Variants in NCKAP5 observed in about 807,000 individuals in gnomAD.
NCKAP5 encodes NCK associated protein 5.
A neutral mutation model predicts 167.0 loss-of-function variants in NCKAP5; 92 were observed. The ratio of observed to expected loss-of-function variants is 0.55; its 90% CI spans 0.47 to 0.66. The LOEUF is 0.66. NCKAP5 is among the 30% of genes least tolerant of loss of function. NCKAP5 has a pLI of 0.00. For synonymous variants in NCKAP5, 891 were observed against 877.4 expected, an observed-to-expected ratio of 1.02 and a Z score of -0.27; for missense variants, 2,378 against 2,315.0, an observed-to-expected ratio of 1.03 and a Z score of -0.56.
intron 3 of NCKAP5, among the ~76,000 whole-genome samples, chr2:133,304,089 T>G (rs1680600852): frequency 6.6e-6 from 1 of 152,204 alleles, no homozygotes; most frequent in Non-Finnish European, 1.5e-5. Context: ...TCTATAGATT[T>G]GAAATAAACT....
chr2:133,050,237 C>G (rs532317194), intron 6 of NCKAP5, among the ~76,000 whole-genome samples: 5 of 151,776 alleles, frequency 3.3e-5, no homozygotes, highest in Non-Finnish European at 7.4e-5. Flanking sequence ...GTCTTAGTTA[C>G]AAAACCAGGG....
At chr2:133,304,952 C>T (rs1021631323) in intron 3 of NCKAP5, among the ~76,000 whole-genome samples, 1 of 152,148 alleles carries the variant, frequency 6.6e-6, no homozygotes, top group Non-Finnish European at 1.5e-5. Context: ...AGACTCTAAG[C>T]AAGTGATATT....
At chr2:133,089,918 G>A (rs1307374454) in intron 6 of NCKAP5, among the ~76,000 whole-genome samples, 1 of 152,154 alleles carries the variant, frequency 6.6e-6, no homozygotes, top group Non-Finnish European at 1.5e-5. Flanking sequence ...TTTCTACAGA[G>A]GAGCCAAAAT....
rs867425784 is a variant in NCKAP5, at chr2:132,775,967, G to A, written c.5050-2073C>T. Among the ~76,000 whole-genome samples, 10 of 152,294 alleles carry A rather than the reference G, an allele frequency of 6.6e-5. No individual in the cohort carries two copies. In the South Asian group the frequency reaches 1.9e-3, roughly 28 times the overall value. On this transcript the variant is annotated intron_variant, in intron 15 of 19. Coordinates refer to ENST00000409261, the MANE Select transcript of NCKAP5 (RefSeq NM_207363.3). Reference sequence around the variant, plus strand: ...TAAATCATCATCTCTGCTGGCCTGTGAAATTCTAGATGAAAGAATCAAATA... The same window carrying A: ...TAAATCATCATCTCTGCTGGCCTGTAAAATTCTAGATGAAAGAATCAAATA...
chr2:133,658,673 G>C, the NCKAP5 span, among the ~76,000 whole-genome samples: 1,710 of 152,210 alleles, frequency 0.011, 40 homozygotes, highest in African/African-American at 0.039. Context: ...TCACAGTGCC[G>C]ACAGCAGGAT....
At chr2:133,293,224 A>G (rs1679724828) in intron 4 of NCKAP5, among the ~76,000 whole-genome samples, 1 of 152,210 alleles carries the variant, frequency 6.6e-6, no homozygotes, top group South Asian at 2.1e-4. Context: ...GGACCTAAAT[A>G]TATGTTCTAT....
intron 3 of NCKAP5, among the ~76,000 whole-genome samples, chr2:133,413,220 G>A (rs1008112009): frequency 1.3e-5 from 2 of 152,240 alleles, no homozygotes; most frequent in African/African-American, 4.8e-5. Flanking sequence ...CTGGAAGACT[G>A]GAAAAGGATC....
chr2:132,871,216 A>G (rs1423820983), intron 9 of NCKAP5, among the ~76,000 whole-genome samples: 1 of 152,218 alleles, frequency 6.6e-6, no homozygotes. Flanking sequence ...GACCAATAGC[A>G]TAATAGTGAA....
At position 133,331,661 on chromosome 2, in the gene NCKAP5, G is replaced by A. The variant is rs1030438215; in HGVS notation, c.70-28551C>T. 5.9e-5 allele frequency among the ~76,000 whole-genome samples: 9 copies of A among 152,274 alleles called. No homozygotes were observed. In the South Asian group the frequency reaches 1.0e-3, roughly 18 times the overall value. ...GGGCATAAACAGCCAACCCAGGACC[G>A]GTTTTAAGTGGCTGAACCTTAGCAA... On this transcript the variant is annotated intron_variant, in intron 3 of 19. Transcript: ENST00000409261.
chr2:132,801,976 C>G (rs1354555343), intron 11 of NCKAP5, among the ~76,000 whole-genome samples: 2 of 152,188 alleles, frequency 1.3e-5, no homozygotes, highest in Admixed American at 1.3e-4. Flanking sequence ...CGGGGTTTCA[C>G]CATGTTGGCC....
intron 3 of NCKAP5, among the ~76,000 whole-genome samples, chr2:133,465,741 G>A (rs1353550188): frequency 6.6e-6 from 1 of 151,970 alleles, no homozygotes; most frequent in East Asian, 1.9e-4. Context: ...GTTTTGATTT[G>A]CATTTCTCTG....
chr2:133,099,410 T>A (rs1175028084), intron 6 of NCKAP5, among the ~76,000 whole-genome samples: 1 of 152,200 alleles, frequency 6.6e-6, no homozygotes, highest in African/African-American at 2.4e-5. Flanking sequence ...TTTTAACTAT[T>A]CAAAATAAAG....
intron 11 of NCKAP5, among the ~76,000 whole-genome samples, chr2:132,820,000 T>C (rs1212317298): frequency 1.1e-4 from 17 of 152,176 alleles, no homozygotes; most frequent in South Asian, 1.0e-3. Context: ...TTTATAAAGT[T>C]TTCAGAACCA....
Position 132,784,491 on chromosome 2 carries a change from C to T in NCKAP5, c.2320G>A (p.Val774Ile), listed in dbSNP as rs774735090. The T allele has an allele frequency of 1.3e-6, 2 of 1,574,538 alleles. No individual in the cohort carries two copies. Among genetic ancestry groups the T allele is most frequent in the African/African-American group, 2.7e-5 (2 of 73,516 alleles). Reference sequence around the variant, plus strand: ...CATGATATATTGTGTGTTGGTTTGACCAGCTTTTGCTGCTGAGGATTTTGT... The same window carrying T: ...CATGATATATTGTGTGTTGGTTTGATCAGCTTTTGCTGCTGAGGATTTTGT... Reference protein sequence around the residue: ...VTQNPQQQKLVKPTHNISCQS... With the variant: ...VTQNPQQQKLIKPTHNISCQS... Residue 774 changes from valine to isoleucine, a missense_variant, in exon 14 of 20, where the codon GTC becomes ATC. By Grantham distance (29) the Val-to-Ile change is conservative (BLOSUM62 3). Around this residue, in one of 3 missense-constraint regions of NCKAP5, gnomAD observed 1,049 missense variants for 1,023.4 expected, o/e 1.02. Transcript: ENST00000409261.
At chr2:132,679,442 A>G (rs573112127) in intron 19 of NCKAP5, among the ~76,000 whole-genome samples, 1 of 152,238 alleles carries the variant, frequency 6.6e-6, no homozygotes, top group East Asian at 1.9e-4. Context: ...CAAACAAAAG[A>G]ATGTTTGAGA....
intron 5 of NCKAP5, among the ~76,000 whole-genome samples, chr2:133,180,569 G>C (rs776480802): frequency 1.3e-5 from 2 of 151,982 alleles, no homozygotes; most frequent in African/African-American, 2.4e-5. Context: ...GAACTCCTGA[G>C]CTCAGGCCAT....
chr2:133,608,083 T>C, the NCKAP5 span, among the ~76,000 whole-genome samples: 3 of 152,260 alleles, frequency 2.0e-5, no homozygotes, highest in Non-Finnish European at 1.5e-5. Context: ...CTGATTTTAA[T>C]ATTTCATCTA....
At chr2:133,329,408 A>G (rs1444364294) in intron 3 of NCKAP5, among the ~76,000 whole-genome samples, 1 of 152,166 alleles carries the variant, frequency 6.6e-6, no homozygotes, top group Non-Finnish European at 1.5e-5. Context: ...AAAAGAGATG[A>G]TATAGAGATG....
chr2:132,982,144 T>G lies in NCKAP5; in HGVS notation c.429+12008A>C, dbSNP rs546834106. On this transcript the variant is annotated intron_variant, in intron 7 of 19. Coordinates refer to ENST00000409261, the MANE Select transcript of NCKAP5 (RefSeq NM_207363.3). ...ACAGTTAAGTAGATGGGGGATTAGC[T>G]GTATAATAATGATAATATCTACTGT... 2.5e-3 allele frequency among the ~76,000 whole-genome samples: 388 copies of G among 152,348 alleles called. 4 individuals carry two copies. The highest frequency in any genetic ancestry group is 9.1e-3 in the African/African-American group (378 of 41,586).
Sources: gnomAD v4.1 joint callset for allele counts (sites outside exome capture counted in the v4.1 genomes callset) on GRCh38, gnomAD v4.1.1 for gene constraint, gnomAD v4.1.1 regional missense constraint, MANE v1.5 for transcripts, NCBI Gene and HGNC (gene_info 2026-07-23, HGNC 2026-07-21) for gene names.